The following SPIRE1 variants were observed in gnomAD, a reference collection of about 807,000 sequenced individuals.
The protein encoded by SPIRE1 is spire type actin nucleation factor 1.
Under a neutral mutation model 94.1 loss-of-function variants are expected in SPIRE1, and 40 were observed. That is an observed-to-expected ratio of 0.43 (90% CI 0.33 to 0.55). The LOEUF is 0.55. Among genes scored for constraint, SPIRE1 ranks in the 20% least tolerant of loss-of-function variants. The pLI is 0.06. For missense variants in SPIRE1, 838 were observed against 975.2 expected, an observed-to-expected ratio of 0.86 and a Z score of 1.87; for synonymous variants, 376 against 371.7, an observed-to-expected ratio of 1.01 and a Z score of -0.13.
At chr18:12,476,052 T>C (rs2032558214) in intron 10 of SPIRE1, among the ~76,000 whole-genome samples, 1 of 152,224 alleles carries the variant, frequency 6.6e-6, no homozygotes, top group African/African-American at 2.4e-5. Context: ...CAGTTGATGA[T>C]CTGAAATTAG....
chr18:12,585,635 TA>T (rs1248429770), intron 2 of SPIRE1, among the ~76,000 whole-genome samples: 3 of 152,126 alleles, frequency 2.0e-5, no homozygotes, highest in East Asian at 1.9e-4. Flanking sequence ...CTGTTAGCTT[TA>T]AAAAAATGTT....
chr18:12,586,416 T>G (rs1460568904), intron 2 of SPIRE1, among the ~76,000 whole-genome samples: 1 of 152,224 alleles, frequency 6.6e-6, no homozygotes, highest in Non-Finnish European at 1.5e-5. Context: ...AAAACAATGG[T>G]TCTCAAACCA....
intron 2 of SPIRE1, among the ~76,000 whole-genome samples, chr18:12,563,667 A>G (rs2035746863): frequency 6.6e-6 from 1 of 152,228 alleles, no homozygotes; most frequent in African/African-American, 2.4e-5. Context: ...ATTGGCATCA[A>G]TTGTATCTAT....
At chr18:12,602,374 T>C (rs1598517072) in intron 2 of SPIRE1, among the ~76,000 whole-genome samples, 2 of 152,296 alleles carry the variant, frequency 1.3e-5, no homozygotes, top group East Asian at 1.9e-4. Context: ...TCCCAAATGC[T>C]TGATGTTCAT....
intron 4 of SPIRE1, 143 bp from the exon 5 acceptor site, chr18:12,512,674 G>A (rs1322746109): frequency 3.5e-6 from 2 of 568,410 alleles, no homozygotes; most frequent in Admixed American, 3.4e-5. Flanking sequence ...TAAACTCTAG[G>A]GCCAATTAAA....
At chr18:12,589,382 A>G (rs2036469720) in intron 2 of SPIRE1, among the ~76,000 whole-genome samples, 1 of 152,138 alleles carries the variant, frequency 6.6e-6, no homozygotes, top group South Asian at 2.1e-4. Context: ...ACCCTGGACC[A>G]CCACCCAGGT....
chr18:12,493,079 GCTA>G lies in SPIRE1; in HGVS notation c.1179_1181del (p.Ser394del). The G allele has an allele frequency of 6.2e-7, 1 of 1,610,866 alleles. No homozygotes were observed. The highest frequency in any genetic ancestry group is 2.2e-5 in the East Asian group (1 of 44,856). The stretch of plus-strand genomic sequence containing the variant: ...AGGAAGCAGTGGACTCACCTAATCT[GCTA>G]CGTCTAATCTCCTCTGGTGATACAG... On this transcript the variant is annotated inframe_deletion, in exon 8 of 17. Coordinates refer to ENST00000409402, the MANE Select transcript of SPIRE1 (RefSeq NM_001128626.2).
intron 2 of SPIRE1, among the ~76,000 whole-genome samples, chr18:12,606,749 T>C (rs1198983972): frequency 6.6e-6 from 1 of 152,200 alleles, no homozygotes; most frequent in Non-Finnish European, 1.5e-5. Context: ...CAGGCTGCTC[T>C]CAAACTCCTG....
intron 1 of SPIRE1, among the ~76,000 whole-genome samples, chr18:12,642,912 T>C (rs573753002): frequency 4.1e-4 from 62 of 152,216 alleles, no homozygotes; most frequent in African/African-American, 1.3e-3. Flanking sequence ...TGCACATGTA[T>C]CCTGGAACTT....
At chr18:12,519,002 G>C (rs1224772155) in intron 4 of SPIRE1, among the ~76,000 whole-genome samples, 1 of 152,150 alleles carries the variant, frequency 6.6e-6, no homozygotes, top group African/African-American at 2.4e-5. Flanking sequence ...AGAGTTAATG[G>C]ATAAGTACTA....
intron 1 of SPIRE1, among the ~76,000 whole-genome samples, chr18:12,641,872 G>A (rs566274144): frequency 3.7e-5 from 5 of 134,496 alleles, no homozygotes; most frequent in East Asian, 2.2e-4. Flanking sequence ...TTGCTCTGTC[G>A]CCCAGGCTGG....
chr18:12,557,344 C>T (rs2035545263), intron 2 of SPIRE1, among the ~76,000 whole-genome samples: 1 of 152,154 alleles, frequency 6.6e-6, no homozygotes, highest in Admixed American at 6.5e-5. Context: ...GCAGGCAGGC[C>T]GACAGTGCTG....
At chr18:12,584,286 C>T (rs1296556897) in intron 2 of SPIRE1, among the ~76,000 whole-genome samples, 1 of 151,638 alleles carries the variant, frequency 6.6e-6, no homozygotes, top group Non-Finnish European at 1.5e-5. Context: ...AAAAATTAGC[C>T]GGGCATGGTG....
chr18:12,511,540 T>C (rs561501327), intron 5 of SPIRE1, among the ~76,000 whole-genome samples: 1 of 152,330 alleles, frequency 6.6e-6, no homozygotes, highest in African/African-American at 2.4e-5. Flanking sequence ...GGGACTGCTG[T>C]GTTAAGGTAT....
At chr18:12,627,492 C>A (rs1349364131) in intron 2 of SPIRE1, among the ~76,000 whole-genome samples, 1 of 152,116 alleles carries the variant, frequency 6.6e-6, no homozygotes, top group East Asian at 1.9e-4. Flanking sequence ...TCCAAGCCTG[C>A]TATTGTGAAT....
chr18:12,503,460 C>T (rs1355280450), intron 6 of SPIRE1, among the ~76,000 whole-genome samples: 1 of 152,154 alleles, frequency 6.6e-6, no homozygotes, highest in Non-Finnish European at 1.5e-5. Flanking sequence ...CCTTCAGCGC[C>T]GAGGCTGCAC....
At chr18:12,522,998 TCATAG>T (rs1215774009) in intron 4 of SPIRE1, among the ~76,000 whole-genome samples, 1 of 152,192 alleles carries the variant, frequency 6.6e-6, no homozygotes, top group African/African-American at 2.4e-5. Flanking sequence ...GCTATAACTG[TCATAG>T]ACAGTGATTC....
intron 4 of SPIRE1, among the ~76,000 whole-genome samples, chr18:12,534,432 G>C (rs1482775812): frequency 6.6e-6 from 1 of 152,124 alleles, no homozygotes; most frequent in Non-Finnish European, 1.5e-5. Context: ...AGAATACCTA[G>C]AGAACTGGCA....
chr18:12,600,319 T>C (rs1282163671), intron 2 of SPIRE1, among the ~76,000 whole-genome samples: 2 of 152,184 alleles, frequency 1.3e-5, no homozygotes, highest in Non-Finnish European at 2.9e-5. Context: ...GATCATAAAT[T>C]TGTGGCTGTT....
Sources: allele counts gnomAD v4.1 joint callset (sites outside exome capture counted in the v4.1 genomes callset), GRCh38; gene constraint gnomAD v4.1.1; transcripts MANE v1.5; gene names NCBI Gene and HGNC (gene_info 2026-07-23, HGNC 2026-07-21).